The following AHCTF1 variants were observed in gnomAD, a reference collection of about 807,000 sequenced individuals.
AHCTF1 encodes AT-hook containing transcription factor 1.
In AHCTF1, 24 loss-of-function variants were observed where a neutral mutation model predicts 248.4. The ratio of observed to expected loss-of-function variants is 0.10; its 90% CI spans 0.07 to 0.14. The LOEUF (loss-of-function observed/expected upper bound fraction) is 0.14. Ranked by LOEUF, AHCTF1 falls within the 10% of genes least tolerant of loss-of-function variation. The pLI is 1.00. For synonymous variants in AHCTF1, 786 were observed against 929.8 expected (o/e 0.85, Z 2.81); for missense variants, 2,206 against 2,636.2 (o/e 0.84, Z 3.57).
chr1:246,917,378 T>C (rs1361676395), intron 2 of AHCTF1, among the ~76,000 whole-genome samples: 1 of 152,156 alleles, frequency 6.6e-6, no homozygotes, highest in African/African-American at 2.4e-5. Flanking sequence ...TCCAAGTACA[T>C]TAGTTGGATA....
At chr1:246,887,806 G>A (rs551433871) in intron 19 of AHCTF1, among the ~76,000 whole-genome samples, 1 of 152,218 alleles carries the variant, frequency 6.6e-6, no homozygotes, top group East Asian at 1.9e-4. Flanking sequence ...TAATGCCTAA[G>A]GTAGTATCAC....
intron 7 of AHCTF1, 23 bp downstream of exon 7, chr1:246,903,926 C>T: frequency 6.4e-7 from 1 of 1,550,954 alleles, no homozygotes; most frequent in East Asian, 2.2e-5. Flanking sequence ...GTAATATAAA[C>T]CCATAGTCCA....
chr1:246,866,531 T>C (rs1347568110), intron 26 of AHCTF1, among the ~76,000 whole-genome samples: 1 of 152,152 alleles, frequency 6.6e-6, no homozygotes, highest in African/African-American at 2.4e-5. Context: ...CCTCAGTTGT[T>C]TGTATGACCT....
chr1:246,876,228 A>G lies in AHCTF1; in HGVS notation c.2938-41T>C, dbSNP rs765984023. 3.2e-5 allele frequency: 48 copies of G among 1,494,262 alleles called. 1 individual carries two copies. Among genetic ancestry groups the G allele is most frequent in the Middle Eastern group, 2.4e-4 (1 of 4,230 alleles). The allele number at this position is 1,494,262 out of a possible 1,614,324, so 92.6% of individuals were successfully genotyped here. Reference sequence around the variant, plus strand: ...ATTGGTAAAAAATTTAACCTTCAAAATGTTAGGTGCTGTAATTCTATATTT... The same window carrying G: ...ATTGGTAAAAAATTTAACCTTCAAAGTGTTAGGTGCTGTAATTCTATATTT... On this transcript the variant is annotated intron_variant, in intron 23 of 35. Coordinates refer to ENST00000648844, the MANE Select transcript of AHCTF1 (RefSeq NM_001323342.2).
At chr1:246,878,194 T>A (rs61854018) in intron 21 of AHCTF1, among the ~76,000 whole-genome samples, 3,315 of 151,708 alleles carry the variant, frequency 0.022, 52 homozygotes, top group South Asian at 0.059. Flanking sequence ...GCCTAGGAGT[T>A]CAAGACCAAC....
chr1:246,903,961 T>C lies in AHCTF1; in HGVS notation c.954A>G (p.Gln318=), dbSNP rs528488358. The C allele has an allele frequency of 4.3e-6, 7 of 1,613,894 alleles. No individual in the cohort carries two copies. The South Asian group carries it at 7.7e-5, about 18-fold the overall frequency. ...AATGACCATTTACCTCATATAAGAT[T>C]TGTCCTGATGCCAAACACTTTCTAT... ...FGNRKCLASG[Q]ILYEGLEYCE... Residue 318 remains glutamine (Q), a synonymous_variant, in exon 7 of 36, where the codon CAA becomes CAG. Transcript: ENST00000648844.
At chr1:246,843,042 C>T (rs1310621187) in intron 34 of AHCTF1, among the ~76,000 whole-genome samples, 2 of 152,068 alleles carry the variant, frequency 1.3e-5, no homozygotes, top group Non-Finnish European at 2.9e-5. Flanking sequence ...CTTCTGTACC[C>T]ACTCCCTTTG....
intron 21 of AHCTF1, among the ~76,000 whole-genome samples, chr1:246,878,396 CAAAAAAAAAAAAAAAA>C (rs1199465751): frequency 2.5e-3 from 78 of 30,790 alleles, no homozygotes; most frequent in South Asian, 0.011. Flanking sequence ...GATTCTGTCT[CAAAAAAAAAAAAAAAA>C]AAAAAAAAAA....
At chr1:246,883,815 A>G in intron 21 of AHCTF1, among the ~76,000 whole-genome samples, 1 of 152,206 alleles carries the variant, frequency 6.6e-6, no homozygotes, top group African/African-American at 2.4e-5. Context: ...AACTTAAGAG[A>G]AATAAGGTTT....
In AHCTF1 at chr1:246,864,133, C is replaced by T; in HGVS notation, c.3348-17G>A. The T allele has an allele frequency of 6.2e-7, 1 of 1,608,948 alleles. No homozygotes were observed. Among genetic ancestry groups the T allele is most frequent in the Non-Finnish European group, 8.5e-7 (1 of 1,177,718 alleles). The stretch of plus-strand genomic sequence containing the variant: ...TCTAGCAGTCTGTAATCAGAATGCG[C>T]ATTTATTGAGTTATACTGAAAAAAC... On this transcript the variant is annotated splice_polypyrimidine_tract_variant and intron_variant, in intron 26 of 35. Coordinates refer to ENST00000648844, the MANE Select transcript of AHCTF1 (RefSeq NM_001323342.2).
At chr1:246,845,259 C>T (rs2103031284) in intron 33 of AHCTF1, among the ~76,000 whole-genome samples, 1 of 150,794 alleles carries the variant, frequency 6.6e-6, no homozygotes, top group Middle Eastern at 3.4e-3. Flanking sequence ...TGTGGGTACA[C>T]AGTAGGTGTA....
intron 21 of AHCTF1, among the ~76,000 whole-genome samples, chr1:246,878,213 C>A (rs1451163467): frequency 6.6e-6 from 1 of 151,496 alleles, no homozygotes; most frequent in African/African-American, 2.4e-5. Flanking sequence ...ACCTGGGCAA[C>A]GTGGTGAGAC....
At chr1:246,905,713 G>T (rs1558266502) in intron 5 of AHCTF1, 56 bp from the exon 6 acceptor site, 1 of 1,386,732 alleles carries the variant, frequency 7.2e-7, no homozygotes. Flanking sequence ...AAGGAAAAAG[G>T]TACATCATGT....
At chr1:246,851,518 T>C in intron 32 of AHCTF1, 76 bp from the exon 33 acceptor site, 2 of 1,341,924 alleles carry the variant, frequency 1.5e-6, no homozygotes, top group Non-Finnish European at 2.0e-6. Context: ...AGGTTTTTGA[T>C]GACCCTTGGC....
Position 246,842,701 on chromosome 1 carries a change from C to T in AHCTF1, c.6601G>A (p.Ala2201Thr). 1 of 1,613,204 alleles carries T rather than the reference C, an allele frequency of 6.2e-7. No individual in the cohort carries two copies. The highest frequency in any genetic ancestry group is 8.5e-7 in the Non-Finnish European group (1 of 1,179,878). ...CAGAACAGAAAGTCATACTTGCTTG[C>T]TTGTTTTGTTTTTGACGTCCTGATT... ...KRIRTSKTKQ[A>T]SKNTEKESAW... The change falls in exon 35 of 36, where the codon GCA becomes ACA. Residue 2201 changes from alanine to threonine, a missense_variant. This residue lies in a region of AHCTF1 where 469 missense variants were observed against 470.0 expected (regional missense o/e 1.00). Coordinates refer to ENST00000648844, the MANE Select transcript of AHCTF1 (RefSeq NM_001323342.2).
At chr1:246,917,667 T>C (rs1382199301) in intron 2 of AHCTF1, among the ~76,000 whole-genome samples, 2 of 152,182 alleles carry the variant, frequency 1.3e-5, no homozygotes, top group African/African-American at 4.8e-5. Context: ...GACTGATACA[T>C]ATGTTTTGCT....
chr1:246,902,662 C>T lies in AHCTF1; in HGVS notation c.980G>A (p.Cys327Tyr). The change falls in exon 8 of 36, where the codon TGT (cysteine) becomes TAT (tyrosine). Residue 327 changes from cysteine to tyrosine, a missense_variant. By Grantham distance (194) the Cys-to-Tyr change is radical. Coordinates refer to ENST00000648844, the MANE Select transcript of AHCTF1 (RefSeq NM_001323342.2). Reference sequence around the variant, plus strand: ...CAGGTCCAGGGTGTATCTTTCTTCACAGTATTCTAACCCCTGTAACATAAA... The same window carrying T: ...CAGGTCCAGGGTGTATCTTTCTTCATAGTATTCTAACCCCTGTAACATAAA... Reference protein sequence around the residue: ...GQILYEGLEYCEERYTLDLTG... With the variant: ...GQILYEGLEYYEERYTLDLTG... 1 of 1,612,740 alleles carries T rather than the reference C, an allele frequency of 6.2e-7. No individual in the cohort carries two copies. The highest frequency in any genetic ancestry group is 8.5e-7 in the Non-Finnish European group (1 of 1,179,358).
chr1:246,922,716 C>G (rs998725228), intron 1 of AHCTF1, among the ~76,000 whole-genome samples: 2 of 151,038 alleles, frequency 1.3e-5, no homozygotes, highest in Non-Finnish European at 3.0e-5. Flanking sequence ...GGCGCAGTGG[C>G]TCACGCCTGT....
intron 4 of AHCTF1, among the ~76,000 whole-genome samples, chr1:246,910,667 C>T (rs1665737987): frequency 6.6e-6 from 1 of 152,082 alleles, no homozygotes; most frequent in Non-Finnish European, 1.5e-5. Context: ...ATTAATATAA[C>T]CACTGTGCAA....
Sources: gnomAD v4.1 joint callset for allele counts (sites outside exome capture counted in the v4.1 genomes callset) on GRCh38, gnomAD v4.1.1 for gene constraint, gnomAD v4.1.1 regional missense constraint, MANE v1.5 for transcripts, NCBI Gene and HGNC (gene_info 2026-07-23, HGNC 2026-07-21) for gene names.